The following TCF20 variants were observed in gnomAD, a reference collection of about 807,000 sequenced individuals.
The protein encoded by TCF20 is transcription factor 20.
TCF20 carries 3 observed loss-of-function variants against 148.6 expected under a neutral mutation model. The ratio of observed to expected loss-of-function variants is 0.02; its 90% confidence interval spans 0.01 to 0.05. The LOEUF (loss-of-function observed/expected upper bound fraction) is 0.05, where lower values mean the gene tolerates loss of function less well. TCF20 is among the 10% of genes least tolerant of loss of function. TCF20 has a pLI of 1.00. For missense variants in TCF20, 2,350 were observed against 2,429.3 expected (o/e 0.97, Z 0.69); for synonymous variants, 1,049 against 909.5 (o/e 1.15, Z -2.76).
At chr22:42,173,419 G>C (rs1215439179) in intron 3 of TCF20, among the ~76,000 whole-genome samples, 1 of 152,074 alleles carries the variant, frequency 6.6e-6, no homozygotes, top group Admixed American at 6.6e-5. Context: ...ATGAAACAAA[G>C]ATTCTGTTTC....
At chr22:42,242,543 G>T (rs1486051165) in intron 1 of TCF20, among the ~76,000 whole-genome samples, 1 of 152,066 alleles carries the variant, frequency 6.6e-6, no homozygotes, top group Non-Finnish European at 1.5e-5. Flanking sequence ...CTCTCAGCAC[G>T]TGAGGAGCTC....
chr22:42,297,151 A>G lies in TCF20; in HGVS notation c.-37+46328T>C, dbSNP rs763967758. ...CTGGTTCAGGCAGGCCTCAGTGCCC[A>G]TACCCACAATGGATGGCCCAGCTGG... On this transcript the variant is annotated intron_variant, in intron 1 of 1. Transcript: ENST00000515426. This position sits in a 1 kb window ranked among gnomAD's most constrained non-coding sequence, Gnocchi z 4.3. Among the ~76,000 whole-genome samples, 1 of 152,216 alleles carries G rather than the reference A, an allele frequency of 6.6e-6. No homozygotes were observed. The highest frequency in any genetic ancestry group is 1.5e-5 in the Non-Finnish European group (1 of 68,030).
intron 4 of TCF20, 75 bp from the exon 5 acceptor site, chr22:42,168,811 G>A: frequency 1.4e-6 from 2 of 1,478,936 alleles, no homozygotes; most frequent in South Asian, 2.7e-5. Flanking sequence ...GCAAAGGGAG[G>A]ACAGGAGTGG....
chr22:42,284,250 G>T (rs1473374326), upstream of TCF20, among the ~76,000 whole-genome samples: 1 of 152,256 alleles, frequency 6.6e-6, no homozygotes, highest in African/African-American at 2.4e-5. Flanking sequence ...TATCTCTATA[G>T]ATAGGGGCGA....
intron 1 of TCF20, among the ~76,000 whole-genome samples, chr22:42,289,202 A>G (rs1274515664): frequency 6.6e-6 from 1 of 152,054 alleles, no homozygotes; most frequent in Non-Finnish European, 1.5e-5. Flanking sequence ...TAAAACAGGC[A>G]CCCGCTTTTC....
At chr22:42,247,569 T>G (rs1286003691) in intron 1 of TCF20, among the ~76,000 whole-genome samples, 1 of 151,548 alleles carries the variant, frequency 6.6e-6, no homozygotes, top group Non-Finnish European at 1.5e-5. Context: ...GGAGATGTGG[T>G]TAGAGAGGCA....
At chr22:42,310,375 T>C (rs1354235158) in intron 1 of TCF20, among the ~76,000 whole-genome samples, 1 of 142,018 alleles carries the variant, frequency 7.0e-6, no homozygotes, top group East Asian at 2.1e-4. Context: ...CATGTCCCAC[T>C]GGGGGAGACA....
At position 42,279,428 on chromosome 22, in the gene TCF20, G is replaced by A. The variant is rs1229513592; in HGVS notation, c.-37+4399C>T. On this transcript the variant is annotated intron_variant, in intron 1 of 5. Transcript: ENST00000359486. The surrounding 1 kb of genome is among the most constrained non-coding windows in gnomAD (Gnocchi z 4.3). Reference sequence around the variant, plus strand: ...GGAGGCAGAGGTTGCAGTGAGCAGAGATTGCGCCACTGCACTCCAGTCTGG... The same window carrying A: ...GGAGGCAGAGGTTGCAGTGAGCAGAAATTGCGCCACTGCACTCCAGTCTGG... Among the ~76,000 whole-genome samples, 1 of 152,138 alleles carries A rather than the reference G, an allele frequency of 6.6e-6. No individual in the cohort carries two copies. Among genetic ancestry groups the A allele is most frequent in the East Asian group, 1.9e-4 (1 of 5,196 alleles).
intron 2 of TCF20, among the ~76,000 whole-genome samples, chr22:42,201,470 TAAAA>T (rs1555919516): frequency 6.6e-6 from 1 of 152,038 alleles, no homozygotes; most frequent in African/African-American, 2.4e-5. Flanking sequence ...AAAGTTTACT[TAAAA>T]AAACAACTTT....
intron 2 of TCF20, among the ~76,000 whole-genome samples, chr22:42,207,236 G>A (rs1480296545): frequency 6.6e-6 from 1 of 152,026 alleles, no homozygotes. Flanking sequence ...ACTGAATCAT[G>A]AGCCCATATC....
At chr22:42,321,091 A>G (rs1210369878) in intron 1 of TCF20, among the ~76,000 whole-genome samples, 1 of 152,242 alleles carries the variant, frequency 6.6e-6, no homozygotes, top group Non-Finnish European at 1.5e-5. Flanking sequence ...GCAACTGTAA[A>G]AGCCGCGCGC....
intron 4 of TCF20, 26 bp downstream of exon 4, chr22:42,169,821 G>C: frequency 1.2e-6 from 2 of 1,612,934 alleles, no homozygotes; most frequent in African/African-American, 2.7e-5. Flanking sequence ...CATCCCTGCT[G>C]GTAGCTCTTG....
chr22:42,296,882 T>A (rs1026293379), intron 1 of TCF20, among the ~76,000 whole-genome samples: 1 of 151,978 alleles, frequency 6.6e-6, no homozygotes, highest in Non-Finnish European at 1.5e-5. Context: ...GATTTTCAAG[T>A]CAAATAACAG....
At chr22:42,228,220 G>A (rs1030986257) in intron 1 of TCF20, among the ~76,000 whole-genome samples, 1 of 152,212 alleles carries the variant, frequency 6.6e-6, no homozygotes, top group Middle Eastern at 3.2e-3. Context: ...TTGGCTGCAT[G>A]GGTGAATGTG....
chr22:42,263,637 T>G (rs999909233), intron 1 of TCF20, among the ~76,000 whole-genome samples: 1 of 152,134 alleles, frequency 6.6e-6, no homozygotes, highest in South Asian at 2.1e-4. Context: ...AAGGCATAAT[T>G]AGGATGAGAG....
intron 1 of TCF20, among the ~76,000 whole-genome samples, chr22:42,303,436 C>T (rs1280422532): frequency 1.3e-5 from 2 of 152,272 alleles, no homozygotes; most frequent in Admixed American, 1.3e-4. Context: ...TCGCTCGGTG[C>T]AGGGCAGGGA....
chr22:42,306,275 T>C (rs1927432116), intron 1 of TCF20, among the ~76,000 whole-genome samples: 1 of 152,260 alleles, frequency 6.6e-6, no homozygotes, highest in Non-Finnish European at 1.5e-5. Context: ...AGTTGCCACC[T>C]GCAATTCTCC....
At chr22:42,318,483 A>T (rs1267642925) in intron 1 of TCF20, among the ~76,000 whole-genome samples, 1 of 152,164 alleles carries the variant, frequency 6.6e-6, no homozygotes, top group Non-Finnish European at 1.5e-5. Context: ...TTTTGGAAGA[A>T]GGGGGGATGG....
chr22:42,191,637 A>C (rs1250980166), intron 2 of TCF20, among the ~76,000 whole-genome samples: 2 of 152,190 alleles, frequency 1.3e-5, no homozygotes, highest in South Asian at 2.1e-4. Context: ...AAATAATCCT[A>C]ATCAGAGGGT....
Sources: allele counts gnomAD v4.1 joint callset (sites outside exome capture counted in the v4.1 genomes callset), GRCh38; gene constraint gnomAD v4.1.1; non-coding constraint Gnocchi (gnomAD v3.1); transcripts MANE v1.5; gene names NCBI Gene and HGNC (gene_info 2026-07-23, HGNC 2026-07-21).